The following CAND1 variants were observed in gnomAD, a reference collection of about 807,000 sequenced individuals.
CAND1 encodes cullin associated and neddylation dissociated 1, also known as cullin-associated NEDD8-dissociated protein 1.
CAND1 carries 7 observed loss-of-function variants against 108.5 expected under a neutral mutation model. That is an observed-to-expected ratio of 0.06 (90% CI 0.04 to 0.12). The LOEUF (loss-of-function observed/expected upper bound fraction) is 0.12. Ranked by LOEUF, CAND1 falls within the 10% of genes least tolerant of loss-of-function variation. CAND1 has a pLI of 1.00. For missense variants in CAND1, 941 were observed against 1,448.7 expected (o/e 0.65, Z 5.69); for synonymous variants, 534 against 512.0 (o/e 1.04, Z -0.58).
chr12:67,269,370 G>A lies in CAND1; in HGVS notation c.-348G>A, dbSNP rs1422799153. 3.4e-6 allele frequency: 1 copy of A among 297,930 alleles called. No individual in the cohort carries two copies. Among genetic ancestry groups the A allele is most frequent in the Non-Finnish European group, 6.2e-6 (1 of 160,336 alleles). 18.5% of individuals were successfully genotyped at this position (297,930 alleles called of 1,614,324 possible). On this transcript the variant is annotated 5_prime_UTR_variant, in exon 1 of 15. Transcript: ENST00000545606. Reference sequence around the variant, plus strand: ...GGCGGGCTTTGGCCTTTTGCCCTAGGGAGCGAGTGCGGAGCGAGTGGGAGC... The same window carrying A: ...GGCGGGCTTTGGCCTTTTGCCCTAGAGAGCGAGTGCGGAGCGAGTGGGAGC...
At chr12:67,306,729 A>G (rs1420350932) in intron 10 of CAND1, 132 bp downstream of exon 10, 5 of 672,000 alleles carry the variant, frequency 7.4e-6, no homozygotes, top group Non-Finnish European at 1.2e-5. Flanking sequence ...ATGAAGAAAA[A>G]CTGTCTTTCG....
At position 67,306,347 on chromosome 12, in the gene CAND1, G is replaced by C. The variant is rs35536769; in HGVS notation, c.2679G>C (p.Pro893=). ...ISVGNLPEYL[P]FVLQEITSQP... Reference sequence around the variant, plus strand: ...TGGGCAACCTTCCTGAATATCTGCCGTTTGTCCTGCAAGAAATAACTAGTC... The same window carrying C: ...TGGGCAACCTTCCTGAATATCTGCCCTTTGTCCTGCAAGAAATAACTAGTC... The change falls in exon 10 of 15, where the codon CCG becomes CCC. Residue 893 remains proline, a synonymous_variant. Transcript: ENST00000545606. 1.2e-6 allele frequency: 2 copies of C among 1,613,968 alleles called. No individual in the cohort carries two copies. The highest frequency in any genetic ancestry group is 2.7e-5 in the African/African-American group (2 of 74,916).
At chr12:67,310,412 C>T (rs1411616567) in intron 13 of CAND1, 96 bp downstream of exon 13, 4 of 904,350 alleles carry the variant, frequency 4.4e-6, no homozygotes, top group Non-Finnish European at 6.7e-6. Context: ...TGAGAAAAAT[C>T]AGGTTGTCTG....
At chr12:67,275,788 C>T (rs970938881) in intron 1 of CAND1, among the ~76,000 whole-genome samples, 2 of 152,100 alleles carry the variant, frequency 1.3e-5, no homozygotes, top group African/African-American at 4.8e-5. Flanking sequence ...AAGTTCCAGA[C>T]TGTGTTACTC....
chr12:67,269,556 C>T lies in CAND1; in HGVS notation c.-162C>T, dbSNP rs981054249. On this transcript the variant is annotated 5_prime_UTR_variant, in exon 1 of 15. Coordinates refer to ENST00000545606, the MANE Select transcript of CAND1 (RefSeq NM_018448.5). Reference sequence around the variant, plus strand: ...CCACGCCTCGCCAGGGAGGGGGCAGCCCGTCGAGGCGCCTCCCTAGTCAGC... The same window carrying T: ...CCACGCCTCGCCAGGGAGGGGGCAGTCCGTCGAGGCGCCTCCCTAGTCAGC... 25 of 592,698 alleles carry T rather than the reference C, an allele frequency of 4.2e-5. No homozygotes were observed. Among genetic ancestry groups the T allele is most frequent in the Admixed American group, 1.1e-4 (3 of 27,848 alleles). The allele number at this position is 592,698 out of a possible 1,614,324, so 36.7% of individuals were successfully genotyped here.
chr12:67,305,320 G>C lies in CAND1; in HGVS notation c.1652G>C (p.Arg551Pro). 2 of 1,614,034 alleles carry C rather than the reference G, an allele frequency of 1.2e-6. No homozygotes were observed. The highest frequency in any genetic ancestry group is 1.7e-6 in the Non-Finnish European group (2 of 1,179,996). The change falls in exon 10 of 15, where the codon CGT becomes CCT. Residue 551 changes from arginine to proline, a missense_variant. Arg to Pro is a moderately radical substitution (Grantham distance 103, BLOSUM62 -2). Around this residue, in one of 9 missense-constraint regions of CAND1, gnomAD observed 697 missense variants for 942.0 expected, o/e 0.74. Transcript: ENST00000545606. This position sits in a 1 kb window ranked among gnomAD's most constrained non-coding sequence, Gnocchi z 4.4. ...ACTCAACAGCTTGTCAAAGTAATTC[G>C]TCCTTTAGATCAGCCTTCCTCGTTT... is the stretch of plus-strand genomic sequence containing the variant. The part of the protein sequence containing the change: ...LVTQQLVKVI[R>P]PLDQPSSFDA...
chr12:67,276,816 G>GT (rs977193724), intron 1 of CAND1, among the ~76,000 whole-genome samples: 3 of 152,154 alleles, frequency 2.0e-5, no homozygotes, highest in African/African-American at 7.2e-5. Flanking sequence ...GGAGGCTGCT[G>GT]TTTTTTTCTT....
chr12:67,279,764 A>G (rs2044603036), intron 1 of CAND1, among the ~76,000 whole-genome samples: 1 of 152,136 alleles, frequency 6.6e-6, no homozygotes, highest in South Asian at 2.1e-4. Context: ...AACAATAAGT[A>G]AAGAATGAAT....
Position 67,312,692 on chromosome 12 carries a change from C to T in CAND1, c.3555C>T (p.Thr1185=). The T allele has an allele frequency of 6.2e-7, 1 of 1,613,656 alleles. No individual in the cohort carries two copies. The highest frequency in any genetic ancestry group is 8.5e-7 in the Non-Finnish European group (1 of 1,179,666). ...SAMRAVAALL[T]IPEAEKSPLM... is the part of the protein sequence containing the mutation. ...TGAGAGCAGTAGCAGCACTGCTAAC[C>T]ATTCCAGAAGCAGAGAAGAGTCCAC... Residue 1185 remains threonine (T), a synonymous_variant, in exon 15 of 15, where the codon ACC becomes ACT. Coordinates refer to ENST00000545606, the MANE Select transcript of CAND1 (RefSeq NM_018448.5).
At chr12:67,273,020 A>G (rs576281023) in intron 1 of CAND1, among the ~76,000 whole-genome samples, 1 of 152,254 alleles carries the variant, frequency 6.6e-6, no homozygotes, top group African/African-American at 2.4e-5. Flanking sequence ...GTTTGTTTTA[A>G]AAAAAGGAGA....
At chr12:67,295,523 A>G (rs1447889135) in intron 4 of CAND1, among the ~76,000 whole-genome samples, 1 of 152,128 alleles carries the variant, frequency 6.6e-6, no homozygotes, top group African/African-American at 2.4e-5. Flanking sequence ...AATGCTGGTA[A>G]TCTTCGGTAA....
At chr12:67,293,883 A>G (rs907752216) in intron 3 of CAND1, among the ~76,000 whole-genome samples, 1 of 152,220 alleles carries the variant, frequency 6.6e-6, no homozygotes, top group African/African-American at 2.4e-5. Context: ...CTAAACATCA[A>G]TCATATGGGA....
In CAND1 at chr12:67,307,443, A is replaced by T. The variant is rs2044899599; in HGVS notation, c.2976A>T (p.Thr992=). The T allele has an allele frequency of 1.2e-6, 2 of 1,611,262 alleles. No homozygotes were observed. Among genetic ancestry groups the T allele is most frequent in the Admixed American group, 3.3e-5 (2 of 59,840 alleles). ...CAGTGGTTACGGCTGTGAAATTTAC[A>T]ATTTCTGACCATCCACAACCTATTG... The part of the protein sequence containing the change: ...RSSVVTAVKF[T]ISDHPQPIDP... The change falls in exon 11 of 15, where the codon ACA becomes ACT. Residue 992 remains threonine, a synonymous_variant. Transcript: ENST00000545606.
In CAND1 at chr12:67,304,535, A is replaced by T; in HGVS notation, c.1294-70A>T. 4.1e-6 allele frequency: 6 copies of T among 1,472,094 alleles called. No homozygotes were observed. The South Asian group carries it at 7.5e-5, about 18-fold the overall frequency. The allele number at this position is 1,472,094 out of a possible 1,614,324, so 91.2% of individuals were successfully genotyped here. ...ACTCTTCCCTTTATCCTCATTCTCC[A>T]TAATTCATGTTAAGTGTACTGAGGA... On this transcript the variant is annotated intron_variant, in intron 8 of 14. Coordinates refer to ENST00000545606, the MANE Select transcript of CAND1 (RefSeq NM_018448.5).
chr12:67,297,183 G>A (rs1255273998), intron 4 of CAND1: 4 of 599,202 alleles, frequency 6.7e-6, no homozygotes, highest in African/African-American at 3.7e-5. Context: ...CTAGATTCCC[G>A]GAGTCAGTTT....
intron 7 of CAND1, among the ~76,000 whole-genome samples, chr12:67,301,087 G>A (rs1316683836): frequency 6.6e-6 from 1 of 152,074 alleles, no homozygotes; most frequent in African/African-American, 2.4e-5. Context: ...TTGCCATAGT[G>A]TATTGACATG....
Position 67,281,925 on chromosome 12 carries a change from T to C in CAND1, c.84T>C (p.Asn28=), listed in dbSNP as rs145969911. 1.9e-6 allele frequency: 3 copies of C among 1,603,672 alleles called. No homozygotes were observed. Among genetic ancestry groups the C allele is most frequent in the African/African-American group, 1.3e-5 (1 of 74,272 alleles). The change falls in exon 2 of 15, where the codon AAT becomes AAC. Residue 28 remains asparagine (N), a synonymous_variant. Transcript: ENST00000545606. ...TTTTTGATAGGTTTATGGCTACAAATGATTTGATGACGGAACTGCAGAAAG... is the reference window on the plus strand; with the variant it reads ...TTTTTGATAGGTTTATGGCTACAAACGATTTGATGACGGAACTGCAGAAAG... ...SDKDFRFMAT[N]DLMTELQKDS...
At chr12:67,279,849 A>G (rs2135993167) in intron 1 of CAND1, among the ~76,000 whole-genome samples, 1 of 152,344 alleles carries the variant, frequency 6.6e-6, no homozygotes, top group Middle Eastern at 3.4e-3. Flanking sequence ...TAAATTGATG[A>G]TCCCTGTTTT....
At chr12:67,299,137 A>G (rs1000611527) in intron 7 of CAND1, 42 bp downstream of exon 7, 1 of 1,472,816 alleles carries the variant, frequency 6.8e-7, no homozygotes, top group African/African-American at 1.4e-5. Flanking sequence ...TTTGTGAAAG[A>G]CACTTATAGA....
Sources: gnomAD v4.1 joint callset for allele counts (sites outside exome capture counted in the v4.1 genomes callset) on GRCh38, gnomAD v4.1.1 for gene constraint, gnomAD v4.1.1 regional missense constraint, Gnocchi (gnomAD v3.1) non-coding constraint, MANE v1.5 for transcripts, NCBI Gene and HGNC (gene_info 2026-07-23, HGNC 2026-07-21) for gene names.